The following MSRA variants were observed in gnomAD, a reference collection of about 807,000 sequenced individuals.
MSRA encodes the protein methionine sulfoxide reductase A.
MSRA carries 54 observed loss-of-function variants against 31.3 expected under a neutral mutation model. That is an observed-to-expected ratio of 1.73 (90% CI 1.39 to 2.17). MSRA has a LOEUF of 2.17. Ranked by LOEUF, MSRA falls within the 30% of genes most tolerant of loss-of-function variation. The pLI, the probability that MSRA is intolerant of heterozygous loss-of-function variation, is 0.00. For missense variants in MSRA, 507 were observed against 300.9 expected (o/e 1.69, Z -5.07); for synonymous variants, 169 against 116.5 (o/e 1.45, Z -2.90).
At chr8:10,122,378 C>T (rs1443680193) in intron 1 of MSRA, among the ~76,000 whole-genome samples, 2 of 152,144 alleles carry the variant, frequency 1.3e-5, no homozygotes, top group African/African-American at 2.4e-5. Flanking sequence ...GTCCCCAAGT[C>T]ATGGCACAAA....
chr8:10,063,827 G>A (rs977332598), intron 1 of MSRA, among the ~76,000 whole-genome samples: 3 of 152,228 alleles, frequency 2.0e-5, no homozygotes, highest in Non-Finnish European at 2.9e-5. Context: ...TAAGCTGCCA[G>A]GTTATGGTAA....
At chr8:10,130,758 C>A (rs189958276) in intron 1 of MSRA, among the ~76,000 whole-genome samples, 3 of 152,126 alleles carry the variant, frequency 2.0e-5, no homozygotes, top group Non-Finnish European at 4.4e-5. Flanking sequence ...ACAATTCTGG[C>A]GGTCGCTAAG....
chr8:10,351,791 C>G (rs928572619), intron 5 of MSRA, among the ~76,000 whole-genome samples: 1 of 152,176 alleles, frequency 6.6e-6, no homozygotes. Flanking sequence ...ACCTGGGGAT[C>G]TTGGTAAAAT....
At chr8:10,189,615 G>C (rs759453485) in intron 1 of MSRA, among the ~76,000 whole-genome samples, 10 of 151,778 alleles carry the variant, frequency 6.6e-5, no homozygotes, top group Non-Finnish European at 8.8e-5. Context: ...TTCTTTTTTA[G>C]CCAGTTAATA....
chr8:10,218,618 C>T (rs1810216633), intron 2 of MSRA, among the ~76,000 whole-genome samples: 1 of 152,106 alleles, frequency 6.6e-6, no homozygotes, highest in Non-Finnish European at 1.5e-5. Flanking sequence ...CTGTGAGATC[C>T]AGTTTGCTGA....
At chr8:10,258,092 G>A (rs1012439348) in intron 3 of MSRA, among the ~76,000 whole-genome samples, 5 of 152,196 alleles carry the variant, frequency 3.3e-5, no homozygotes, top group Admixed American at 2.6e-4. Flanking sequence ...TGGGGGATAG[G>A]GAGGGGGTAG....
At chr8:10,303,031 G>A in intron 4 of MSRA, among the ~76,000 whole-genome samples, 1 of 152,336 alleles carries the variant, frequency 6.6e-6, no homozygotes, top group African/African-American at 2.4e-5. Context: ...CGCTCCTTCT[G>A]GTAAGTCATC....
At chr8:10,160,850 T>A (rs1804577171) in intron 1 of MSRA, among the ~76,000 whole-genome samples, 1 of 152,214 alleles carries the variant, frequency 6.6e-6, no homozygotes, top group Non-Finnish European at 1.5e-5. Flanking sequence ...TTAAAAAACA[T>A]GAATCCAAGA....
chr8:10,057,390 G>C (rs1189599586), intron 1 of MSRA, among the ~76,000 whole-genome samples: 2 of 152,168 alleles, frequency 1.3e-5, no homozygotes, highest in African/African-American at 4.8e-5. Flanking sequence ...AAGTGTATTG[G>C]TATTGTATTG....
chr8:10,185,683 T>G (rs1384727385), intron 1 of MSRA, among the ~76,000 whole-genome samples: 1 of 152,206 alleles, frequency 6.6e-6, no homozygotes. Context: ...GGTGGTATTT[T>G]CTGTTTCAGC....
chr8:10,397,887 C>T (rs1202309488), intron 5 of MSRA, among the ~76,000 whole-genome samples: 4 of 152,120 alleles, frequency 2.6e-5, no homozygotes, highest in Non-Finnish European at 4.4e-5. Flanking sequence ...GGAAGTAAGC[C>T]CATTATAACA....
chr8:10,305,982 C>A (rs1014260994), intron 4 of MSRA, among the ~76,000 whole-genome samples: 8 of 152,196 alleles, frequency 5.3e-5, no homozygotes, highest in Non-Finnish European at 1.0e-4. Context: ...ATTTGAATCC[C>A]ACTGTTTAAG....
chr8:10,386,483 G>A (rs541578753), intron 5 of MSRA, among the ~76,000 whole-genome samples: 1 of 152,290 alleles, frequency 6.6e-6, no homozygotes, highest in South Asian at 2.1e-4. Flanking sequence ...TAACAACAGA[G>A]GAAAGGTATT....
At chr8:10,169,063 T>C (rs1805382764) in intron 1 of MSRA, among the ~76,000 whole-genome samples, 1 of 152,244 alleles carries the variant, frequency 6.6e-6, no homozygotes, top group Non-Finnish European at 1.5e-5. Context: ...CCTTCTCTCA[T>C]GCTGGCAGGA....
At chr8:10,087,972 A>G (rs1303446090) in intron 1 of MSRA, among the ~76,000 whole-genome samples, 1 of 152,234 alleles carries the variant, frequency 6.6e-6, no homozygotes, top group East Asian at 1.9e-4. Flanking sequence ...TTAATGGCAA[A>G]TACTTCAGTT....
At chr8:10,257,550 G>A (rs1006675730) in intron 3 of MSRA, among the ~76,000 whole-genome samples, 2 of 152,104 alleles carry the variant, frequency 1.3e-5, no homozygotes, top group African/African-American at 4.8e-5. Context: ...GGGATTATAG[G>A]CACGCACCAC....
At chr8:10,241,463 A>G (rs1812405568) in intron 2 of MSRA, among the ~76,000 whole-genome samples, 2 of 152,232 alleles carry the variant, frequency 1.3e-5, no homozygotes, top group Non-Finnish European at 2.9e-5. Flanking sequence ...CTCTTCGATT[A>G]GCCTGGGAGA....
At chr8:10,302,309 G>A (rs538307681) in intron 4 of MSRA, among the ~76,000 whole-genome samples, 5 of 152,362 alleles carry the variant, frequency 3.3e-5, no homozygotes, top group Admixed American at 6.5e-5. Context: ...TTTCAAGATC[G>A]CATCCCAGCA....
At chr8:10,367,621 C>T (rs1805241546) in intron 5 of MSRA, among the ~76,000 whole-genome samples, 1 of 152,216 alleles carries the variant, frequency 6.6e-6, no homozygotes, top group Non-Finnish European at 1.5e-5. Context: ...ATGAGCCAAC[C>T]AAGGCACAGA....
Sources: allele counts gnomAD v4.1 joint callset (sites outside exome capture counted in the v4.1 genomes callset), GRCh38; gene constraint gnomAD v4.1.1; transcripts MANE v1.5; gene names NCBI Gene and HGNC (gene_info 2026-07-23, HGNC 2026-07-21).